Variants in PAPLN observed in about 807,000 individuals in gnomAD.
PAPLN encodes the protein papilin.
Under a neutral mutation model 159.0 loss-of-function variants are expected in PAPLN, and 146 were observed. The observed-to-expected ratio is 0.92, with a 90% confidence interval of 0.80 to 1.05. The LOEUF is 1.05. PAPLN is among the 50% of genes least tolerant of loss of function. The pLI is 0.00. For missense variants in PAPLN, 1,720 were observed against 1,743.9 expected, an observed-to-expected ratio of 0.99 and a Z score of 0.24; for synonymous variants, 734 against 702.9, an observed-to-expected ratio of 1.04 and a Z score of -0.70.
chr14:73,270,303 C>T (rs1887602635), intron 26 of PAPLN, among the ~76,000 whole-genome samples: 1 of 152,242 alleles, frequency 6.6e-6, no homozygotes. Flanking sequence ...AACGTATAGA[C>T]AAGGGGAACA....
In PAPLN at chr14:73,245,636, G is replaced by A; in HGVS notation, c.171G>A (p.Arg57=). Residue 57 remains arginine, a splice_region_variant and synonymous_variant, in exon 4 of 27, where the codon AGG becomes AGA. Transcript: ENST00000644200. The surrounding 1 kb of genome is among the most constrained non-coding windows in gnomAD (Gnocchi z 4.2). The part of the protein sequence containing the change: ...SFRERPCYSQ[R]RDGGSSCVGP... ...TCTTCCCGGTGCTCTGGTCCCGCAG[G>A]AGAGATGGAGGCTCCAGCTGCGTGG... 1 of 1,558,780 alleles carries A rather than the reference G, an allele frequency of 6.4e-7. No individual in the cohort carries two copies. The highest frequency in any genetic ancestry group is 8.7e-7 in the Non-Finnish European group (1 of 1,152,708).
chr14:73,254,072 G>A (rs571222283), intron 12 of PAPLN, 111 bp downstream of exon 12: 36 of 1,221,940 alleles, frequency 2.9e-5, no homozygotes, highest in Non-Finnish European at 3.6e-5. Flanking sequence ...TAAAATAACC[G>A]GTCAGGTCAT....
At position 73,245,782 on chromosome 14, in the gene PAPLN, G is replaced by T; in HGVS notation, c.231+86G>T. ...CCCATTGGGATGCCCGCTCCTGGCC[G>T]CGGGCTGCTGGGTTGGCCCAGCCTG... On this transcript the variant is annotated intron_variant, in intron 4 of 26. Coordinates refer to ENST00000644200, the MANE Select transcript of PAPLN (RefSeq NM_001365906.3). The surrounding 1 kb of genome is among the most constrained non-coding windows in gnomAD (Gnocchi z 4.2). 2.0e-6 allele frequency: 3 copies of T among 1,490,576 alleles called. No individual in the cohort carries two copies. Among genetic ancestry groups the T allele is most frequent in the Non-Finnish European group, 2.7e-6 (3 of 1,113,436 alleles). 92.3% of individuals were successfully genotyped at this position (1,490,576 alleles called of 1,614,324 possible).
intron 5 of PAPLN, among the ~76,000 whole-genome samples, chr14:73,247,984 C>CTG (rs60942606): frequency 0.1 from 2,005 of 19,318 alleles, 299 homozygotes; most frequent in Middle Eastern, 0.15. Flanking sequence ...CTCATATCCT[C>CTG]TGTGTGTGTG....
chr14:73,247,055 C>T (rs1263442961), intron 5 of PAPLN, among the ~76,000 whole-genome samples: 1 of 152,088 alleles, frequency 6.6e-6, no homozygotes, highest in East Asian at 1.9e-4. Flanking sequence ...CATTTTGAGC[C>T]CTGTTTTTGC....
intron 14 of PAPLN, among the ~76,000 whole-genome samples, chr14:73,257,173 T>C (rs1258225659): frequency 2.6e-5 from 4 of 152,318 alleles, no homozygotes; most frequent in African/African-American, 7.2e-5. Context: ...GCTCTTGTTA[T>C]GTTGTCCAGG....
At chr14:73,239,187 C>T (rs902458463) in intron 1 of PAPLN, among the ~76,000 whole-genome samples, 6 of 151,998 alleles carry the variant, frequency 3.9e-5, no homozygotes, top group Admixed American at 1.3e-4. Flanking sequence ...AGGGCTCACA[C>T]GCTGCACCAC....
Position 73,273,354 on chromosome 14 carries a change from G to A in PAPLN, c.*690G>A, listed in dbSNP as rs988967313. 1.3e-5 allele frequency: 2 copies of A among 151,592 alleles called. No homozygotes were observed. The highest frequency in any genetic ancestry group is 3.9e-4 in the East Asian group (2 of 5,186). 9.4% of individuals were successfully genotyped at this position (151,592 alleles called of 1,614,324 possible). On this transcript the variant is annotated 3_prime_UTR_variant, in exon 27 of 27. Coordinates refer to ENST00000644200, the MANE Select transcript of PAPLN (RefSeq NM_001365906.3). ...TGCCCAGGCTGGAGTACAATGGTGC[G>A]ATCTTGGCTCACTGCAACCTCCACC...
chr14:73,240,742 G>A (rs1306607794), intron 2 of PAPLN, among the ~76,000 whole-genome samples: 2 of 152,216 alleles, frequency 1.3e-5, no homozygotes, highest in Non-Finnish European at 2.9e-5. Context: ...AGGGCTCTCT[G>A]GAGAAGGTCC....
At chr14:73,268,175 C>T (rs185234413) in intron 25 of PAPLN, among the ~76,000 whole-genome samples, 26 of 152,140 alleles carry the variant, frequency 1.7e-4, no homozygotes, top group Non-Finnish European at 1.0e-4. Flanking sequence ...GGTTTCTCCC[C>T]GTGTGACTTG....
chr14:73,242,393 T>C (rs1476878580), intron 2 of PAPLN, among the ~76,000 whole-genome samples: 2 of 152,236 alleles, frequency 1.3e-5, no homozygotes, highest in Non-Finnish European at 2.9e-5. Flanking sequence ...TGGATTTTGC[T>C]GGCTGCTGTG....
intron 12 of PAPLN, 132 bp from the exon 13 acceptor site, chr14:73,254,381 C>T: frequency 8.7e-7 from 1 of 1,145,410 alleles, no homozygotes; most frequent in Non-Finnish European, 1.3e-6. Context: ...GTCAGCCTCT[C>T]TGGGCCTGGG....
Position 73,253,933 on chromosome 14 carries a change from C to CAGCCTGG in PAPLN, c.1279_1285dup (p.Pro429LeufsTer27). 5 of 1,612,418 alleles carry CAGCCTGG rather than the reference C, an allele frequency of 3.1e-6. No individual in the cohort carries two copies. The highest frequency in any genetic ancestry group is 4.2e-6 in the Non-Finnish European group (5 of 1,179,764). On this transcript the variant is annotated frameshift_variant, in exon 12 of 27. Coordinates refer to ENST00000644200, the MANE Select transcript of PAPLN (RefSeq NM_001365906.3). LOFTEE classifies it high-confidence loss of function. ...CAGGCCTGTAACCTGCAGCGCTGTG[C>CAGCCTGG]AGCCTGGAGCCCGGAGCCCTGGGGA... is the stretch of plus-strand genomic sequence containing the variant.
In PAPLN at chr14:73,266,756, T is replaced by C; in HGVS notation, c.3425T>C (p.Val1142Ala). The change falls in exon 25 of 27, where the codon GTG becomes GCG. Residue 1142 changes from valine to alanine, a missense_variant. By Grantham distance (64) the Val-to-Ala change is moderately conservative. Transcript: ENST00000644200. ...ACAATCTCAGGACTGCCCCCTACTG[T>C]GACAGTGCCAGAGGGTGATACGGCC... ...ELTISGLPPT[V>A]TVPEGDTARL... 1 of 1,614,000 alleles carries C rather than the reference T, an allele frequency of 6.2e-7. No homozygotes were observed. Among genetic ancestry groups the C allele is most frequent in the South Asian group, 1.1e-5 (1 of 91,062 alleles).
Position 73,241,117 on chromosome 14 carries a change from C to T in PAPLN, c.54+1285C>T, listed in dbSNP as rs542233724. 7.2e-5 allele frequency among the ~76,000 whole-genome samples: 11 copies of T among 152,226 alleles called. No homozygotes were observed. In the East Asian group the frequency reaches 2.1e-3, roughly 29 times the overall value. The stretch of plus-strand genomic sequence containing the variant: ...GATGGATGGCAGTGGGCACTTCTCC[C>T]ACTAGAAGTGGATCCCATAGATGAC... On this transcript the variant is annotated intron_variant, in intron 2 of 26. Transcript: ENST00000644200.
intron 21 of PAPLN, 102 bp from the exon 22 acceptor site, chr14:73,264,486 G>A: frequency 6.6e-7 from 1 of 1,521,354 alleles, no homozygotes; most frequent in Non-Finnish European, 8.8e-7. Context: ...CCACCCTGTG[G>A]CCCTCATTTC....
In PAPLN at chr14:73,247,123, G is replaced by A. The variant is rs553550726; in HGVS notation, c.334+948G>A. 2.5e-3 allele frequency among the ~76,000 whole-genome samples: 379 copies of A among 152,310 alleles called. 3 individuals are homozygous for A. The highest frequency in any genetic ancestry group is 8.1e-3 in the African/African-American group (337 of 41,564). Reference sequence around the variant, plus strand: ...CACAGAGACGGAGATGGGGAACCCCGGGAGCGGTAGCAATGGTGCCCCACG... The same window carrying A: ...CACAGAGACGGAGATGGGGAACCCCAGGAGCGGTAGCAATGGTGCCCCACG... On this transcript the variant is annotated intron_variant, in intron 5 of 26. Coordinates refer to ENST00000644200, the MANE Select transcript of PAPLN (RefSeq NM_001365906.3).
chr14:73,254,462 G>A (rs369000020), intron 12 of PAPLN, 51 bp from the exon 13 acceptor site: 19 of 1,597,080 alleles, frequency 1.2e-5, no homozygotes, highest in East Asian at 2.2e-5. Context: ...CCGAACTGGC[G>A]TGGCTCCTGG....
intron 5 of PAPLN, among the ~76,000 whole-genome samples, chr14:73,248,428 G>GGAT (rs1327901159): frequency 6.6e-6 from 1 of 152,138 alleles, no homozygotes; most frequent in Non-Finnish European, 1.5e-5. Context: ...GAGAGTAGAG[G>GGAT]GATACCTTCC....
Sources: gnomAD v4.1 joint callset for allele counts (sites outside exome capture counted in the v4.1 genomes callset) on GRCh38, gnomAD v4.1.1 for gene constraint, Gnocchi (gnomAD v3.1) non-coding constraint, MANE v1.5 for transcripts, NCBI Gene and HGNC (gene_info 2026-07-23, HGNC 2026-07-21) for gene names.